Variants in LTA4H observed in about 807,000 individuals in gnomAD.
LTA4H encodes leukotriene A-4 hydrolase.
Under a neutral mutation model 89.8 loss-of-function variants are expected in LTA4H, and 59 were observed. The observed-to-expected ratio is 0.66, with a 90% CI of 0.53 to 0.82. The LOEUF (loss-of-function observed/expected upper bound fraction) is 0.82. Ranked by LOEUF, LTA4H falls within the 40% of genes least tolerant of loss-of-function variation. The pLI, the probability that LTA4H is intolerant of heterozygous loss-of-function variation, is 0.00. For missense variants in LTA4H, 617 were observed against 727.0 expected (o/e 0.85, Z 1.74); for synonymous variants, 227 against 253.1 (o/e 0.90, Z 0.98).
At chr12:96,040,022 A>G (rs1215281230), upstream of LTA4H, among the ~76,000 whole-genome samples, 1 of 152,226 alleles carries the variant, frequency 6.6e-6, no homozygotes, top group Non-Finnish European at 1.5e-5. Context: ...GAAATTCTAG[A>G]GGGACAAGTT....
At chr12:96,028,525 A>G (rs1298644038) in intron 2 of LTA4H, among the ~76,000 whole-genome samples, 2 of 152,204 alleles carry the variant, frequency 1.3e-5, no homozygotes, top group East Asian at 3.8e-4. Flanking sequence ...TTCTTGAATA[A>G]GTTATTTCTC....
At chr12:96,014,149 A>T (rs1359029858) in intron 12 of LTA4H, 2 of 221,982 alleles carry the variant, frequency 9.0e-6, no homozygotes, top group African/African-American at 4.6e-5. Context: ...AAAAGCAATA[A>T]CCTTCACATG....
In LTA4H at chr12:96,027,391, A is replaced by G. The variant is rs1370872373; in HGVS notation, c.411+53T>C. On this transcript the variant is annotated intron_variant, in intron 3 of 18. Coordinates refer to ENST00000228740, the MANE Select transcript of LTA4H (RefSeq NM_000895.3). ...ACCACTGTTCATTTTGCTTCATTCA[A>G]CCATAGGTGCTGAAATTTTCTGCAT... 6 of 1,536,790 alleles carry G rather than the reference A, an allele frequency of 3.9e-6. No individual in the cohort carries two copies. The Admixed American group carries it at 1.3e-4, about 34-fold the overall frequency.
intron 11 of LTA4H, chr12:96,015,210 CA>C (rs1175431716): frequency 7.9e-6 from 4 of 503,586 alleles, no homozygotes; most frequent in Non-Finnish European, 1.0e-5. Context: ...GTTTCTTGCT[CA>C]ATAATACAGG....
intron 13 of LTA4H, 30 bp downstream of exon 13, chr12:96,013,720 T>A (rs750191302): frequency 3.5e-6 from 4 of 1,128,306 alleles, no homozygotes; most frequent in Non-Finnish European, 5.3e-6. Flanking sequence ...ATATCGAGCA[T>A]GAAAAATAGA....
rs1950130457 is a variant in LTA4H, at chr12:96,002,957, T to C, written c.1718+3A>G. 1.9e-6 allele frequency: 3 copies of C among 1,587,946 alleles called. No homozygotes were observed. Among genetic ancestry groups the C allele is most frequent in the Non-Finnish European group, 2.6e-6 (3 of 1,164,432 alleles). ...TCAAAGTACGGTCTGAGTGGGTTCT[T>C]ACTTGAATAAGGGCCGGGTAAACTT... On this transcript the variant is annotated splice_donor_region_variant and intron_variant, in intron 18 of 18. Coordinates refer to ENST00000228740, the MANE Select transcript of LTA4H (RefSeq NM_000895.3).
chr12:96,015,264 G>T, intron 11 of LTA4H: 1 of 476,648 alleles, frequency 2.1e-6, no homozygotes, highest in East Asian at 3.2e-5. Flanking sequence ...TTAATGCCTG[G>T]TCAGCAAATT....
At position 96,001,072 on chromosome 12, in the gene LTA4H, C is replaced by T. The variant is rs755759231; in HGVS notation, c.1753G>A (p.Ala585Thr). ...TTGTGCTCTTGGTAGGTTCGGACAG[C>T]TTGATCATGGGATTTGTCAAAGGCA... ...LAAFDKSHDQ[A>T]VRTYQEHKAS... is the part of the protein sequence containing the mutation. Residue 585 changes from alanine to threonine, a missense_variant, in exon 19 of 19, where the codon GCT becomes ACT. By Grantham distance (58) the Ala-to-Thr change is moderately conservative. Coordinates refer to ENST00000228740, the MANE Select transcript of LTA4H (RefSeq NM_000895.3). 13 of 1,613,630 alleles carry T rather than the reference C, an allele frequency of 8.1e-6. No individual in the cohort carries two copies. The South Asian group carries it at 1.3e-4, about 16-fold the overall frequency.
chr12:96,017,617 T>A (rs1415492998), intron 8 of LTA4H, 37 bp from the exon 9 acceptor site: 1 of 1,523,130 alleles, frequency 6.6e-7, no homozygotes, highest in Non-Finnish European at 9.1e-7. Context: ...ATTTTAGTAA[T>A]CGAATTACAG....
In LTA4H at chr12:96,001,065, C is replaced by T. The variant is rs145220113; in HGVS notation, c.1760G>A (p.Arg587Gln). 4.3e-5 allele frequency: 69 copies of T among 1,613,668 alleles called. No individual in the cohort carries two copies. Among genetic ancestry groups the T allele is most frequent in the Non-Finnish European group, 5.6e-5 (66 of 1,179,976 alleles). Residue 587 changes from arginine to glutamine, a missense_variant, in exon 19 of 19, where the codon CGA (arginine) becomes CAA (glutamine). Arg to Gln is a conservative substitution (Grantham distance 43). Around this residue, in one of 3 missense-constraint regions of LTA4H, gnomAD observed 290 missense variants for 339.1 expected, o/e 0.86. Transcript: ENST00000228740. ...GCTTGCTTTGTGCTCTTGGTAGGTT[C>T]GGACAGCTTGATCATGGGATTTGTC... ...AFDKSHDQAV[R>Q]TYQEHKASMH...
chr12:96,027,715 G>T, intron 2 of LTA4H, 151 bp from the exon 3 acceptor site: 1 of 426,538 alleles, frequency 2.3e-6, no homozygotes, highest in Non-Finnish European at 4.1e-6. Context: ...ATCCTCAGTG[G>T]GTAAGTCTCC....
At chr12:96,028,948 A>G in intron 2 of LTA4H, 107 bp downstream of exon 2, 1 of 876,730 alleles carries the variant, frequency 1.1e-6, no homozygotes, top group Non-Finnish European at 1.6e-6. Context: ...TGTACCAATC[A>G]TTACATATTT....
At chr12:96,015,924 T>C (rs1314902836) in intron 10 of LTA4H, among the ~76,000 whole-genome samples, 1 of 152,192 alleles carries the variant, frequency 6.6e-6, no homozygotes, top group African/African-American at 2.4e-5. Flanking sequence ...TGCATGTCCC[T>C]ATGTTAAAAG....
Position 96,027,554 on chromosome 12 carries a change from T to C in LTA4H, c.301A>G (p.Ile101Val), listed in dbSNP as rs746694703. 9 of 1,576,900 alleles carry C rather than the reference T, an allele frequency of 5.7e-6. No individual in the cohort carries two copies. Among genetic ancestry groups the C allele is most frequent in the South Asian group, 4.5e-5 (4 of 88,464 alleles). Reference sequence around the variant, plus strand: ...GTCTCAAAAGAAATTTCTATAACAATTTCTTGATTTCTGTATGAAACACAT... The same window carrying C: ...GTCTCAAAAGAAATTTCTATAACAACTTCTTGATTTCTGTATGAAACACAT... ...LPIALSKNQE[I>V]VIEISFETSP... Residue 101 changes from isoleucine to valine, a missense_variant, in exon 3 of 19, where the codon ATT becomes GTT. Around this residue, in one of 3 missense-constraint regions of LTA4H, gnomAD observed 155 missense variants for 143.3 expected, o/e 1.08. Coordinates refer to ENST00000228740, the MANE Select transcript of LTA4H (RefSeq NM_000895.3).
At chr12:96,006,968 C>T (rs1375131226) in intron 15 of LTA4H, among the ~76,000 whole-genome samples, 1 of 152,082 alleles carries the variant, frequency 6.6e-6, no homozygotes, top group Non-Finnish European at 1.5e-5. Context: ...TTAAATAAAG[C>T]TTATAAAAAT....
At chr12:96,042,608 A>G (rs1379106977) in intron 1 of LTA4H, among the ~76,000 whole-genome samples, 1 of 152,222 alleles carries the variant, frequency 6.6e-6, no homozygotes, top group East Asian at 1.9e-4. Flanking sequence ...GAAAGAAGTT[A>G]ATCACCTACG....
intron 16 of LTA4H, 101 bp downstream of exon 16, chr12:96,006,213 C>T (rs1402209986): frequency 1.2e-5 from 7 of 600,888 alleles, no homozygotes; most frequent in Non-Finnish European, 2.0e-5. Context: ...ATTTTTTCCC[C>T]ATTAGTTTCC....
rs189261328 is a variant in LTA4H at position 96,018,377 on chromosome 12, C to T, written c.852+386G>A. ...TACCCTGGCCAATATAGTGAAACCC[C>T]ATCTCTACTAAAATTACAAAAATTA... On this transcript the variant is annotated intron_variant, in intron 8 of 18. Transcript: ENST00000228740. 9.2e-5 allele frequency among the ~76,000 whole-genome samples: 14 copies of T among 152,130 alleles called. No homozygotes were observed. In the East Asian group the frequency reaches 2.7e-3, roughly 29 times the overall value.
At chr12:96,015,101 A>G (rs975042749) in intron 11 of LTA4H, 102 bp from the exon 12 acceptor site, 1 of 1,073,504 alleles carries the variant, frequency 9.3e-7, no homozygotes, top group Middle Eastern at 2.2e-4. Context: ...GTGTAACTTT[A>G]GGGGAATCTA....
Sources: allele counts gnomAD v4.1 joint callset (sites outside exome capture counted in the v4.1 genomes callset), GRCh38; gene constraint gnomAD v4.1.1; regional missense constraint gnomAD v4.1.1; transcripts MANE v1.5; gene names NCBI Gene and HGNC (gene_info 2026-07-23, HGNC 2026-07-21).